The following OLFM3 variants were observed in gnomAD, a reference collection of about 807,000 sequenced individuals.
The protein encoded by OLFM3 is noelin-3.
In OLFM3, 20 loss-of-function variants were observed where a neutral mutation model predicts 48.6. The ratio of observed to expected loss-of-function variants is 0.41; its 90% CI spans 0.29 to 0.60. The LOEUF (loss-of-function observed/expected upper bound fraction) is 0.60, where lower values mean the gene tolerates loss of function less well. Ranked by LOEUF, OLFM3 falls within the 20% of genes least tolerant of loss-of-function variation. The pLI is 0.28. For synonymous variants in OLFM3, 222 were observed against 198.1 expected (o/e 1.12, Z -1.01); for missense variants, 437 against 544.3 (o/e 0.80, Z 1.96).
intron 1 of OLFM3, among the ~76,000 whole-genome samples, chr1:101,917,644 T>C (rs1306325757): frequency 6.6e-6 from 1 of 152,182 alleles, no homozygotes. Flanking sequence ...TTCAAACTCC[T>C]GACCTCAAGT....
chr1:101,864,980 C>T (rs1006354304), intron 1 of OLFM3, among the ~76,000 whole-genome samples: 1 of 152,174 alleles, frequency 6.6e-6, no homozygotes, highest in Non-Finnish European at 1.5e-5. Flanking sequence ...ACTTCTAGCC[C>T]ATTCCATTTG....
intron 1 of OLFM3, among the ~76,000 whole-genome samples, chr1:101,978,921 C>A (rs765104672): frequency 6.6e-6 from 1 of 151,968 alleles, no homozygotes; most frequent in East Asian, 1.9e-4. Context: ...AGATTAAGAG[C>A]CATATGTGAT....
chr1:101,836,995 C>G lies in OLFM3; in HGVS notation c.100G>C (p.Val34Leu). The G allele has an allele frequency of 6.2e-7, 1 of 1,613,956 alleles. No homozygotes were observed. Among genetic ancestry groups the G allele is most frequent in the Non-Finnish European group, 8.5e-7 (1 of 1,179,920 alleles). Residue 34 changes from valine to leucine, a missense_variant, in exon 2 of 6, where the codon GTG (valine) becomes CTG (leucine). Around this residue, in one of 3 missense-constraint regions of OLFM3, gnomAD observed 314 missense variants for 365.5 expected, o/e 0.86. Transcript: ENST00000370103. ...TQISPKEGWQ[V>L]YSSAQDPDGR... ...TCAGGATCCTGAGCTGAGCTGTACA[C>G]CTGCCACCCTTCTTTAGGACTAATC...
intron 1 of OLFM3, among the ~76,000 whole-genome samples, chr1:101,849,849 T>C (rs1332130532): frequency 2.0e-5 from 3 of 152,152 alleles, no homozygotes; most frequent in African/African-American, 7.2e-5. Context: ...CAGAATAAGA[T>C]ACACAGGTAG....
chr1:101,844,404 G>A (rs1286260312), intron 1 of OLFM3, among the ~76,000 whole-genome samples: 1 of 152,168 alleles, frequency 6.6e-6, no homozygotes, highest in Non-Finnish European at 1.5e-5. Flanking sequence ...TGAGAACCTA[G>A]TGGGGCACCA....
At chr1:101,916,035 G>C (rs566490671) in intron 1 of OLFM3, among the ~76,000 whole-genome samples, 161 of 152,192 alleles carry the variant, frequency 1.1e-3, no homozygotes, top group African/African-American at 3.8e-3. Context: ...AGACCGAATT[G>C]ACGCTACAAG....
chr1:101,881,516 A>C (rs1365219774), intron 1 of OLFM3, among the ~76,000 whole-genome samples: 1 of 151,942 alleles, frequency 6.6e-6, no homozygotes, highest in African/African-American at 2.4e-5. Context: ...CCGTATAATA[A>C]TAAGACTCAG....
At chr1:101,879,466 C>T (rs549356085) in intron 1 of OLFM3, among the ~76,000 whole-genome samples, 114 of 151,850 alleles carry the variant, frequency 7.5e-4, no homozygotes, top group African/African-American at 2.4e-3. Flanking sequence ...TTTCACCTTC[C>T]GTTTGTAAAA....
At chr1:101,941,440 G>A (rs1659792585) in intron 1 of OLFM3, among the ~76,000 whole-genome samples, 1 of 152,064 alleles carries the variant, frequency 6.6e-6, no homozygotes. Flanking sequence ...ATTTTTAAAG[G>A]TAGAACTGAG....
At position 101,830,667 on chromosome 1, in the gene OLFM3, C is replaced by A; in HGVS notation, c.372+5G>T. On this transcript the variant is annotated splice_donor_5th_base_variant and intron_variant, in intron 3 of 5. Transcript: ENST00000370103. Reference sequence around the variant, plus strand: ...GATTGACAAGATTGCAGAAGTCAAACCTACCTGAAAATGCTTGGTCATAAG... The same window carrying A: ...GATTGACAAGATTGCAGAAGTCAAAACTACCTGAAAATGCTTGGTCATAAG... 2 of 1,614,116 alleles carry A rather than the reference C, an allele frequency of 1.2e-6. No individual in the cohort carries two copies. The highest frequency in any genetic ancestry group is 1.3e-5 in the African/African-American group (1 of 75,062).
chr1:101,981,650 T>A (rs1316694942), intron 1 of OLFM3, among the ~76,000 whole-genome samples: 1 of 152,226 alleles, frequency 6.6e-6, no homozygotes, highest in Non-Finnish European at 1.5e-5. Flanking sequence ...CATAAACATT[T>A]CAAACTTACT....
chr1:101,986,031 T>C (rs1367823179), intron 1 of OLFM3, among the ~76,000 whole-genome samples: 1 of 150,806 alleles, frequency 6.6e-6, no homozygotes, highest in East Asian at 2.0e-4. Context: ...AGTGGCGCGA[T>C]CTCGGCTCAC....
chr1:101,935,147 T>C (rs1299053177), intron 1 of OLFM3, among the ~76,000 whole-genome samples: 1 of 151,504 alleles, frequency 6.6e-6, no homozygotes, highest in African/African-American at 2.4e-5. Context: ...GGTTGATCTT[T>C]TGTATAAAAA....
chr1:101,986,906 A>G (rs527366103), intron 1 of OLFM3, among the ~76,000 whole-genome samples: 2 of 152,292 alleles, frequency 1.3e-5, no homozygotes, highest in African/African-American at 4.8e-5. Context: ...GTTAACTGAA[A>G]TATTTAAATA....
intron 1 of OLFM3, among the ~76,000 whole-genome samples, chr1:101,915,134 C>A (rs1365734731): frequency 1.3e-5 from 2 of 152,074 alleles, no homozygotes; most frequent in Admixed American, 1.3e-4. Flanking sequence ...CGCAATACAA[C>A]ATTGCAGAAA....
At chr1:101,961,420 T>C (rs1410831383) in intron 1 of OLFM3, among the ~76,000 whole-genome samples, 1 of 152,054 alleles carries the variant, frequency 6.6e-6, no homozygotes, top group African/African-American at 2.4e-5. Flanking sequence ...ACTTATTATA[T>C]ACCACATTTA....
chr1:101,846,997 A>T (rs751019166), intron 1 of OLFM3: 1 of 1,595,192 alleles, frequency 6.3e-7, no homozygotes, highest in Non-Finnish European at 8.6e-7. Context: ...ATGAGTTTTC[A>T]TAGTGACTGA....
At chr1:101,845,089 G>A (rs191421438) in intron 1 of OLFM3, among the ~76,000 whole-genome samples, 92 of 152,096 alleles carry the variant, frequency 6.0e-4, no homozygotes, top group Non-Finnish European at 1.1e-3. Context: ...CCATTTACTG[G>A]TTTATTTTCA....
intron 1 of OLFM3, among the ~76,000 whole-genome samples, chr1:101,981,995 C>A (rs1379651526): frequency 3.9e-5 from 6 of 151,982 alleles, no homozygotes; most frequent in Non-Finnish European, 8.8e-5. Flanking sequence ...GATGAATAAA[C>A]ATTGAAAAAA....
Sources: allele counts gnomAD v4.1 joint callset (sites outside exome capture counted in the v4.1 genomes callset), GRCh38; gene constraint gnomAD v4.1.1; regional missense constraint gnomAD v4.1.1; transcripts MANE v1.5; gene names NCBI Gene and HGNC (gene_info 2026-07-23, HGNC 2026-07-21).